The following G3BP2 variants were observed in gnomAD, a reference collection of about 807,000 sequenced individuals.
G3BP2 encodes ras GTPase-activating protein-binding protein 2.
In G3BP2, 11 loss-of-function variants were observed where a neutral mutation model predicts 56.7. The observed-to-expected ratio is 0.19, with a 90% confidence interval of 0.12 to 0.32. The LOEUF (loss-of-function observed/expected upper bound fraction) is 0.32, where lower values mean the gene tolerates loss of function less well. Ranked by LOEUF, G3BP2 falls within the 10% of genes least tolerant of loss-of-function variation. The pLI, the probability that G3BP2 is intolerant of heterozygous loss-of-function variation, is 1.00. For missense variants in G3BP2, 340 were observed against 610.9 expected (o/e 0.56, Z 4.67); for synonymous variants, 165 against 191.6 (o/e 0.86, Z 1.15).
chr4:75,687,001 G>A (rs956135214), intron 3 of G3BP2, among the ~76,000 whole-genome samples: 9 of 152,166 alleles, frequency 5.9e-5, no homozygotes, highest in African/African-American at 1.7e-4. Context: ...ACTGAGGCAG[G>A]AGGATTGCTT....
intron 3 of G3BP2, among the ~76,000 whole-genome samples, chr4:75,712,899 A>G: frequency 6.6e-6 from 1 of 152,294 alleles, no homozygotes; most frequent in Middle Eastern, 3.4e-3. Flanking sequence ...ATTTAAGAGA[A>G]TATAGAATTT....
In G3BP2 at chr4:75,703,971, T is replaced by A. The variant is rs529866544; in HGVS notation, c.-25+16906A>T. ...TTTTGATTGATAAATAAATTTTAGATCTTAAGCAAAATGCATAGTCCTCTG... is the reference window on the plus strand; with the variant it reads ...TTTTGATTGATAAATAAATTTTAGAACTTAAGCAAAATGCATAGTCCTCTG... On this transcript the variant is annotated intron_variant, in intron 3 of 3. Transcript: ENST00000499709. 4.6e-5 allele frequency among the ~76,000 whole-genome samples: 7 copies of A among 152,122 alleles called. No homozygotes were observed. In the South Asian group the frequency reaches 1.4e-3, roughly 32 times the overall value.
At chr4:75,701,085 C>T (rs539549586) in intron 3 of G3BP2, among the ~76,000 whole-genome samples, 10 of 151,986 alleles carry the variant, frequency 6.6e-5, no homozygotes, top group Non-Finnish European at 1.0e-4. Context: ...TCAGGTGATC[C>T]GCCCACTTCA....
intron 3 of G3BP2, among the ~76,000 whole-genome samples, chr4:75,697,150 T>C (rs1439559515): frequency 6.6e-6 from 1 of 151,642 alleles, no homozygotes; most frequent in African/African-American, 2.4e-5. Context: ...AGCGCGTGCC[T>C]GTAGTCCCAG....
intron 10 of G3BP2, 154 bp downstream of exon 10, chr4:75,646,875 T>C: frequency 3.6e-6 from 2 of 552,914 alleles, no homozygotes; most frequent in Non-Finnish European, 6.3e-6. Flanking sequence ...AGATAAGTCA[T>C]CTACTCCCTT....
intron 9 of G3BP2, among the ~76,000 whole-genome samples, chr4:75,647,396 G>T (rs1731312641): frequency 6.6e-6 from 1 of 152,096 alleles, no homozygotes; most frequent in South Asian, 2.1e-4. Flanking sequence ...AGATCTACTG[G>T]ATTATACAAA....
At chr4:75,709,459 C>T (rs1332737178) in intron 3 of G3BP2, among the ~76,000 whole-genome samples, 1 of 129,562 alleles carries the variant, frequency 7.7e-6, no homozygotes, top group African/African-American at 2.9e-5. Flanking sequence ...ACGAAAAAAA[C>T]CGACCAGCCA....
chr4:75,657,151 CTATGA>C (rs1353487237), intron 4 of G3BP2, 137 bp from the exon 5 acceptor site: 2 of 545,088 alleles, frequency 3.7e-6, no homozygotes, highest in East Asian at 3.2e-5. Flanking sequence ...GCTGAACATG[CTATGA>C]TGTTTATATA....
chr4:75,648,677 C>G lies in G3BP2; in HGVS notation c.890G>C (p.Arg297Thr). 1.2e-6 allele frequency: 2 copies of G among 1,611,444 alleles called. No homozygotes were observed. The highest frequency in any genetic ancestry group is 1.7e-6 in the Non-Finnish European group (2 of 1,177,730). ...QPPRVREQRP[R>T]ERPGFPPRGP... ...TCTAGGAGGAAAACCAGGTCGTTCT[C>G]TAGGTCGTTGTTCACGCACACGAGG... is the stretch of plus-strand genomic sequence containing the variant. The change falls in exon 9 of 12, where the codon AGA becomes ACA. Residue 297 changes from arginine to threonine, a missense_variant. This residue lies in a region of G3BP2 where 224 missense variants were observed against 332.5 expected (regional missense o/e 0.67). Coordinates refer to ENST00000359707, the MANE Select transcript of G3BP2 (RefSeq NM_203505.3).
intron 1 of G3BP2, among the ~76,000 whole-genome samples, chr4:75,665,657 AC>A (rs1732978626): frequency 2.9e-5 from 1 of 34,054 alleles, no homozygotes; most frequent in African/African-American, 2.5e-4. Flanking sequence ...ACACAAACAA[AC>A]ACACACACAC....
intron 3 of G3BP2, among the ~76,000 whole-genome samples, chr4:75,686,157 T>G (rs1384644822): frequency 6.6e-6 from 1 of 152,208 alleles, no homozygotes; most frequent in East Asian, 1.9e-4. Flanking sequence ...AAATTAATGA[T>G]AGTGTTCATT....
chr4:75,652,351 A>G (rs1197090105), intron 8 of G3BP2, among the ~76,000 whole-genome samples: 1 of 152,206 alleles, frequency 6.6e-6, no homozygotes, highest in African/African-American at 2.4e-5. Context: ...GGCTGGGCGC[A>G]GTGGCTCATG....
chr4:75,644,831 C>G lies in G3BP2; in HGVS notation c.*599G>C, dbSNP rs1421658442. 1 of 152,890 alleles carries G rather than the reference C, an allele frequency of 6.5e-6. No homozygotes were observed. The highest frequency in any genetic ancestry group is 2.4e-5 in the African/African-American group (1 of 41,458). The allele number at this position is 152,890 out of a possible 1,614,324, so 9.5% of individuals were successfully genotyped here. A position where few individuals can be genotyped will look rare whatever the true frequency, so the allele number is the denominator to read the frequency against. ...GGTTTATGTGTACACACGCTGGTCA[C>G]AGCAAGCAGATAAAATGCCCTCATC... On this transcript the variant is annotated 3_prime_UTR_variant, in exon 12 of 12. Transcript: ENST00000359707.
chr4:75,677,280 T>C (rs1348720966), upstream of G3BP2, among the ~76,000 whole-genome samples: 3 of 152,008 alleles, frequency 2.0e-5, no homozygotes. Context: ...GTATACGAGA[T>C]GACTACATGC....
At chr4:75,648,148 G>C (rs571008307) in intron 9 of G3BP2, among the ~76,000 whole-genome samples, 1 of 152,164 alleles carries the variant, frequency 6.6e-6, no homozygotes. Context: ...AGCAGATCGA[G>C]ACCATCTTGG....
chr4:75,720,346 C>CA (rs896757088), intron 3 of G3BP2, among the ~76,000 whole-genome samples: 12 of 151,018 alleles, frequency 7.9e-5, no homozygotes, highest in Non-Finnish European at 1.2e-4. Flanking sequence ...ACCAAAAATA[C>CA]AAAAAATTAG....
chr4:75,702,136 TCCC>T (rs1055184069), intron 3 of G3BP2, among the ~76,000 whole-genome samples: 8 of 150,082 alleles, frequency 5.3e-5, no homozygotes, highest in African/African-American at 1.7e-4. Flanking sequence ...TAAGTGCCGT[TCCC>T]CCCTACCTTA....
At chr4:75,663,162 A>T (rs1732703719) in intron 1 of G3BP2, among the ~76,000 whole-genome samples, 1 of 152,260 alleles carries the variant, frequency 6.6e-6, no homozygotes, top group Non-Finnish European at 1.5e-5. Context: ...AATATAAACA[A>T]GCAAACTGGA....
intron 3 of G3BP2, among the ~76,000 whole-genome samples, chr4:75,680,683 C>G (rs1327064832): frequency 6.6e-6 from 1 of 152,102 alleles, no homozygotes; most frequent in Non-Finnish European, 1.5e-5. Flanking sequence ...AAACTGTGGC[C>G]TAGCCAGGCG....
Sources: allele counts gnomAD v4.1 joint callset (sites outside exome capture counted in the v4.1 genomes callset), GRCh38; gene constraint gnomAD v4.1.1; regional missense constraint gnomAD v4.1.1; transcripts MANE v1.5; gene names NCBI Gene and HGNC (gene_info 2026-07-23, HGNC 2026-07-21).